SPTBN1: variants seen among roughly 807,000 people sequenced by gnomAD.
SPTBN1 encodes spectrin beta chain, non-erythrocytic 1.
SPTBN1 carries 32 observed loss-of-function variants against 266.4 expected under a neutral mutation model. That is an observed-to-expected ratio of 0.12 (90% confidence interval 0.09 to 0.16). The LOEUF (loss-of-function observed/expected upper bound fraction) is 0.16, where lower values mean the gene tolerates loss of function less well. Ranked by LOEUF, SPTBN1 falls within the 10% of genes least tolerant of loss-of-function variation. The pLI is 1.00. For missense variants in SPTBN1, 2,296 were observed against 3,067.1 expected (o/e 0.75, Z 5.94); for synonymous variants, 1,336 against 1,162.2 (o/e 1.15, Z -3.04).
At chr2:54,529,498 A>G in intron 2 of SPTBN1, 2 of 714,094 alleles carry the variant, frequency 2.8e-6, no homozygotes, top group Non-Finnish European at 5.2e-6. Context: ...GGCCCAAGAC[A>G]CTGAGACTCT....
intron 32 of SPTBN1, chr2:54,661,029 G>T (rs1681005945): frequency 1.0e-6 from 1 of 985,432 alleles, no homozygotes; most frequent in Non-Finnish European, 1.2e-6. Flanking sequence ...GGTGGACCGT[G>T]CCTGGGAGCG....
intron 2 of SPTBN1, among the ~76,000 whole-genome samples, chr2:54,562,533 C>CTTTTTTTTT (rs1553447705): frequency 9.5e-5 from 12 of 126,826 alleles, no homozygotes; most frequent in African/African-American, 2.9e-4. Flanking sequence ...TTTTCTTTTT[C>CTTTTTTTTT]TTTTTTTTTT....
Position 54,645,400 on chromosome 2 carries a change from C to G in SPTBN1, c.4441C>G (p.Leu1481Val). ...LEPLNERKHN[L>V]LASKEIHQFN... ...GCCCTTGAACGAGAGGAAGCATAACCTGCTGGCCTCCAAAGAGATCCATCA... is the reference window on the plus strand; with the variant it reads ...GCCCTTGAACGAGAGGAAGCATAACGTGCTGGCCTCCAAAGAGATCCATCA... The change falls in exon 21 of 36, where the codon CTG becomes GTG. Residue 1481 changes from leucine (L) to valine (V), a missense_variant. Physicochemically the swap from Leu to Val is conservative, Grantham distance 32. Coordinates refer to ENST00000356805, the MANE Select transcript of SPTBN1 (RefSeq NM_003128.3). This position sits in a 1 kb window ranked among gnomAD's most constrained non-coding sequence, Gnocchi z 4.3. The G allele has an allele frequency of 1.2e-6, 2 of 1,614,200 alleles. No individual in the cohort carries two copies. The highest frequency in any genetic ancestry group is 1.7e-6 in the Non-Finnish European group (2 of 1,180,038).
At chr2:54,482,391 G>C (rs559399990) in intron 1 of SPTBN1, among the ~76,000 whole-genome samples, 2 of 151,804 alleles carry the variant, frequency 1.3e-5, no homozygotes, top group South Asian at 4.2e-4. Flanking sequence ...GAAACAATTA[G>C]AGAAAAAATG....
chr2:54,597,843 A>G (rs948629571), intron 2 of SPTBN1, among the ~76,000 whole-genome samples: 1 of 145,444 alleles, frequency 6.9e-6, no homozygotes, highest in Non-Finnish European at 1.5e-5. Flanking sequence ...TTTGAAATAC[A>G]TGCCAAATTG....
intron 7 of SPTBN1, among the ~76,000 whole-genome samples, chr2:54,618,700 GGT>G (rs1458397243): frequency 6.6e-6 from 1 of 152,190 alleles, no homozygotes; most frequent in Non-Finnish European, 1.5e-5. Context: ...GATGGGGATG[GGT>G]GGAGATTGCA....
At chr2:54,667,692 A>G in intron 35 of SPTBN1, 46 bp downstream of exon 35, 1 of 1,564,002 alleles carries the variant, frequency 6.4e-7, no homozygotes. Context: ...GGAGTTTGCA[A>G]GTGTTTGTGT....
intron 9 of SPTBN1, 144 bp from the exon 10 acceptor site, chr2:54,623,335 G>T: frequency 1.5e-6 from 1 of 684,852 alleles, no homozygotes; most frequent in East Asian, 2.7e-5. Context: ...TTCAAGGTTT[G>T]TAATAGCCAA....
intron 2 of SPTBN1, among the ~76,000 whole-genome samples, chr2:54,552,487 C>T (rs1434974172): frequency 1.4e-5 from 2 of 147,894 alleles, no homozygotes; most frequent in Admixed American, 6.7e-5. Flanking sequence ...GAGATGGAGT[C>T]TCGCTGTCAC....
chr2:54,586,499 C>T (rs964023869), intron 2 of SPTBN1, among the ~76,000 whole-genome samples: 1 of 152,186 alleles, frequency 6.6e-6, no homozygotes, highest in African/African-American at 2.4e-5. Context: ...TTCCAAAATG[C>T]TAATCCTTTG....
chr2:54,603,479 G>A (rs4347868), intron 3 of SPTBN1, among the ~76,000 whole-genome samples: 44,925 of 152,050 alleles, frequency 0.3, 7,765 homozygotes, highest in African/African-American at 0.49. Flanking sequence ...GCCAAGGCCA[G>A]TGCTGCTAGT....
chr2:54,567,916 C>G (rs942737650), intron 2 of SPTBN1, among the ~76,000 whole-genome samples: 1 of 151,990 alleles, frequency 6.6e-6, no homozygotes, highest in Non-Finnish European at 1.5e-5. Context: ...ACATAACCTC[C>G]TAGAATTTTG....
chr2:54,493,320 T>C (rs2104034842), intron 1 of SPTBN1, among the ~76,000 whole-genome samples: 1 of 151,996 alleles, frequency 6.6e-6, no homozygotes, highest in South Asian at 2.1e-4. Flanking sequence ...GAGCATATCT[T>C]GATGTTTCTA....
intron 10 of SPTBN1, among the ~76,000 whole-genome samples, chr2:54,624,144 A>T (rs1572700882): frequency 2.0e-5 from 3 of 152,154 alleles, no homozygotes; most frequent in African/African-American, 7.2e-5. Context: ...TGCTCATTAA[A>T]ATTTTTTTTT....
intron 1 of SPTBN1, among the ~76,000 whole-genome samples, chr2:54,459,265 A>G (rs577435842): frequency 6.6e-6 from 1 of 152,324 alleles, no homozygotes; most frequent in East Asian, 1.9e-4. Context: ...GTCGTCTCCC[A>G]CAGTTGAGGT....
chr2:54,630,125 G>A, intron 15 of SPTBN1, 96 bp downstream of exon 15: 1 of 1,482,596 alleles, frequency 6.7e-7, no homozygotes, highest in Non-Finnish European at 9.1e-7. Flanking sequence ...TTTCCCACAT[G>A]GGGTCATCGA....
At chr2:54,487,170 CTTTT>C (rs34779689) in intron 1 of SPTBN1, among the ~76,000 whole-genome samples, 4 of 98,566 alleles carry the variant, frequency 4.1e-5, no homozygotes, top group South Asian at 3.3e-4. Flanking sequence ...ATTAGGATTT[CTTTT>C]TTTTTTTTTT....
rs1162896245 is a variant in SPTBN1 at position 54,482,077 on chromosome 2, C to T, written c.-48+25559C>T. 3.3e-5 allele frequency among the ~76,000 whole-genome samples: 5 copies of T among 152,168 alleles called. No homozygotes were observed. The East Asian group carries it at 9.6e-4, about 29-fold the overall frequency. Reference sequence around the variant, plus strand: ...TTGCATGATGAGTGGGATATTTGGCCTCATTATTTACATGGCTTAGTTTTT... The same window carrying T: ...TTGCATGATGAGTGGGATATTTGGCTTCATTATTTACATGGCTTAGTTTTT... On this transcript the variant is annotated intron_variant, in intron 1 of 35. Transcript: ENST00000356805.
At chr2:54,555,661 A>G (rs1672823953) in intron 2 of SPTBN1, among the ~76,000 whole-genome samples, 2 of 152,060 alleles carry the variant, frequency 1.3e-5, no homozygotes, top group Non-Finnish European at 1.5e-5. Context: ...AAAAGTCTCC[A>G]GTGGCTCCAG....
Sources: gnomAD v4.1 joint callset for allele counts (sites outside exome capture counted in the v4.1 genomes callset) on GRCh38, gnomAD v4.1.1 for gene constraint, Gnocchi (gnomAD v3.1) non-coding constraint, MANE v1.5 for transcripts, NCBI Gene and HGNC (gene_info 2026-07-23, HGNC 2026-07-21) for gene names.